PLB1: variants seen among roughly 807,000 people sequenced by gnomAD.
PLB1 encodes the protein phospholipase B1, membrane-associated.
PLB1 carries 242 observed loss-of-function variants against 227.4 expected under a neutral mutation model. That is an observed-to-expected ratio of 1.06 (90% confidence interval 0.96 to 1.18). The LOEUF (loss-of-function observed/expected upper bound fraction) is 1.18, where lower values mean the gene tolerates loss of function less well. PLB1 is among the 50% of genes most tolerant of loss of function. PLB1 has a pLI of 0.00. For synonymous variants in PLB1, 757 were observed against 682.2 expected, an observed-to-expected ratio of 1.11 and a Z score of -1.71; for missense variants, 1,858 against 1,816.3, an observed-to-expected ratio of 1.02 and a Z score of -0.42.
intron 17 of PLB1, among the ~76,000 whole-genome samples, chr2:28,555,666 A>G (rs1349979792): frequency 6.6e-6 from 1 of 152,206 alleles, no homozygotes; most frequent in East Asian, 1.9e-4. Flanking sequence ...CAGTGACTCA[A>G]GCACATGGTA....
At chr2:28,576,715 A>G (rs1679014669) in intron 21 of PLB1, among the ~76,000 whole-genome samples, 1 of 152,182 alleles carries the variant, frequency 6.6e-6, no homozygotes, top group African/African-American at 2.4e-5. Flanking sequence ...GGGCGATAGC[A>G]CGAGACTCAG....
rs564045105 is a variant in PLB1, at chr2:28,581,426, G to T, written c.1567-642G>T. On this transcript the variant is annotated intron_variant, in intron 23 of 57. Coordinates refer to ENST00000327757, the MANE Select transcript of PLB1 (RefSeq NM_153021.5). Reference sequence around the variant, plus strand: ...CATCCCCATGTTAGAGGGGCCTGGAGATGTGATGCTTTGGCTCTACAGTTA... The same window carrying T: ...CATCCCCATGTTAGAGGGGCCTGGATATGTGATGCTTTGGCTCTACAGTTA... 1.9e-3 allele frequency among the ~76,000 whole-genome samples: 294 copies of T among 150,900 alleles called. 3 individuals carry two copies. The highest frequency in any genetic ancestry group is 2.9e-3 in the Non-Finnish European group (200 of 67,962).
intron 20 of PLB1, among the ~76,000 whole-genome samples, chr2:28,568,852 G>A (rs906020106): frequency 5.9e-5 from 9 of 152,200 alleles, no homozygotes; most frequent in African/African-American, 7.2e-5. Flanking sequence ...CCAGCAAGTC[G>A]TTGCCCTATC....
intron 14 of PLB1, among the ~76,000 whole-genome samples, chr2:28,546,294 C>A (rs1434873262): frequency 6.6e-6 from 1 of 152,142 alleles, no homozygotes; most frequent in African/African-American, 2.4e-5. Flanking sequence ...GAACTGATGT[C>A]CCTGGCCCTC....
chr2:28,590,670 C>G (rs1048972438), intron 29 of PLB1, among the ~76,000 whole-genome samples: 3 of 152,094 alleles, frequency 2.0e-5, no homozygotes, highest in Admixed American at 2.0e-4. Context: ...ACACTGGAAA[C>G]CATTGTATGG....
chr2:28,620,230 A>G (rs781393421), intron 46 of PLB1, 35 bp from the exon 47 acceptor site: 43 of 1,515,812 alleles, frequency 2.8e-5, no homozygotes, highest in Non-Finnish European at 3.9e-5. Context: ...CTCAGCCTAT[A>G]CCCCAGCCCT....
At chr2:28,630,375 G>T (rs1688436740) in intron 53 of PLB1, among the ~76,000 whole-genome samples, 2 of 152,164 alleles carry the variant, frequency 1.3e-5, no homozygotes, top group African/African-American at 4.8e-5. Context: ...GGACCTCAGG[G>T]CTCCTGAGTT....
intron 33 of PLB1, chr2:28,594,350 C>T (rs1031288082): frequency 2.5e-5 from 5 of 203,894 alleles, no homozygotes; most frequent in Admixed American, 5.3e-5. Flanking sequence ...CGAGCGGTTG[C>T]GTGTAGATAT....
intron 8 of PLB1, among the ~76,000 whole-genome samples, chr2:28,530,048 G>A (rs1194380276): frequency 6.6e-6 from 1 of 152,004 alleles, no homozygotes; most frequent in Middle Eastern, 3.2e-3. Flanking sequence ...TGGTAGAGAC[G>A]GGGTTTTGCC....
Position 28,585,765 on chromosome 2 carries a change from C to T in PLB1, c.1738C>T (p.Leu580=). 1 of 1,604,716 alleles carries T rather than the reference C, an allele frequency of 6.2e-7. No homozygotes were observed. Among genetic ancestry groups the T allele is most frequent in the Non-Finnish European group, 8.5e-7 (1 of 1,171,406 alleles). The change falls in exon 26 of 58, where the codon CTG becomes TTG. Residue 580 remains leucine, a synonymous_variant. Transcript: ENST00000327757. ...TCTCTTTGGTTTGGTCTACAGGTCT[C>T]TGTGTCCCTGTGTCCTGAAGTTTGA... ...VYCPRMILRS[L]CPCVLKFDDN...
chr2:28,606,434 G>C, intron 42 of PLB1, 62 bp from the exon 43 acceptor site: 3 of 1,506,176 alleles, frequency 2.0e-6, no homozygotes, highest in Non-Finnish European at 2.8e-6. Flanking sequence ...TTCTGCCAGG[G>C]AATGTTCACT....
At chr2:28,631,950 T>C in intron 54 of PLB1, 86 bp from the exon 55 acceptor site, 1 of 1,175,790 alleles carries the variant, frequency 8.5e-7, no homozygotes. Context: ...TTGACTCCCG[T>C]CAACAACCAA....
In PLB1 at chr2:28,593,710, C is replaced by G; in HGVS notation, c.2277C>G (p.Asp759Glu). 1 of 1,614,112 alleles carries G rather than the reference C, an allele frequency of 6.2e-7. No individual in the cohort carries two copies. Among genetic ancestry groups the G allele is most frequent in the African/African-American group, 1.3e-5 (1 of 75,030 alleles). Residue 759 changes from aspartate to glutamate, a missense_variant, in exon 33 of 58, where the codon GAC becomes GAG. Coordinates refer to ENST00000327757, the MANE Select transcript of PLB1 (RefSeq NM_153021.5). ...TAGNGIGSKPDDLPDVTTQYR... is the reference protein window; with the variant it reads ...TAGNGIGSKPEDLPDVTTQYR... ...GCAATGGAATTGGCTCCAAACCAGA[C>G]GACCTCCCCGATGTCACCACACAGT...
chr2:28,520,935 A>G (rs1046796528), intron 4 of PLB1, among the ~76,000 whole-genome samples: 1 of 152,194 alleles, frequency 6.6e-6, no homozygotes, highest in African/African-American at 2.4e-5. Flanking sequence ...AGATCATGCC[A>G]TTGCACTCCG....
Position 28,508,161 on chromosome 2 carries a change from C to T in PLB1, c.56-8647C>T, listed in dbSNP as rs1572648594. On this transcript the variant is annotated intron_variant, in intron 1 of 57. Coordinates refer to ENST00000327757, the MANE Select transcript of PLB1 (RefSeq NM_153021.5). The stretch of plus-strand genomic sequence containing the variant: ...AGACTTTGGTCTCAGGGAAAGCGTA[C>T]TTGACTAGGTTAAGGAGAATCCAGT... Among the ~76,000 whole-genome samples the T allele has an allele frequency of 2.0e-5, 3 of 152,082 alleles. No homozygotes were observed. In the South Asian group the frequency reaches 6.2e-4, roughly 32 times the overall value.
chr2:28,557,468 A>T (rs747893267), intron 17 of PLB1, among the ~76,000 whole-genome samples: 6 of 152,210 alleles, frequency 3.9e-5, no homozygotes, highest in Non-Finnish European at 7.3e-5. Flanking sequence ...CATGTTTTTC[A>T]GATTAGGGCC....
At chr2:28,637,897 G>A (rs1037401389) in intron 56 of PLB1, among the ~76,000 whole-genome samples, 2 of 152,136 alleles carry the variant, frequency 1.3e-5, no homozygotes, top group African/African-American at 4.8e-5. Context: ...TTTGCTACGT[G>A]GTTGGTAGCC....
At chr2:28,610,202 G>A (rs537023930) in intron 43 of PLB1, among the ~76,000 whole-genome samples, 29 of 152,068 alleles carry the variant, frequency 1.9e-4, no homozygotes, top group African/African-American at 5.3e-4. Flanking sequence ...CCTATCAACC[G>A]GTCATCTAGA....
At chr2:28,513,195 A>G (rs140660946) in intron 1 of PLB1, among the ~76,000 whole-genome samples, 1 of 152,222 alleles carries the variant, frequency 6.6e-6, no homozygotes, top group Non-Finnish European at 1.5e-5. Flanking sequence ...CATTGTATAT[A>G]AAAGATAATT....
Sources: gnomAD v4.1 joint callset for allele counts (sites outside exome capture counted in the v4.1 genomes callset) on GRCh38, gnomAD v4.1.1 for gene constraint, MANE v1.5 for transcripts, NCBI Gene and HGNC (gene_info 2026-07-23, HGNC 2026-07-21) for gene names.